CYP4F3: variants seen among roughly 807,000 people sequenced by gnomAD.
The protein encoded by CYP4F3 is cytochrome P450 4F3.
A neutral mutation model predicts 54.8 loss-of-function variants in CYP4F3; 50 were observed. The observed-to-expected ratio is 0.91, with a 90% confidence interval of 0.73 to 1.16. The LOEUF is 1.16. CYP4F3 is among the 50% of genes most tolerant of loss of function. The probability of loss-of-function intolerance (pLI) is 0.00; values close to 1 mark genes in which losing one functional copy is unlikely to be tolerated. For synonymous variants in CYP4F3, 244 were observed against 262.6 expected, an observed-to-expected ratio of 0.93 and a Z score of 0.69; for missense variants, 715 against 676.2, an observed-to-expected ratio of 1.06 and a Z score of -0.64.
chr19:15,649,172 C>T lies in CYP4F3; in HGVS notation c.538C>T (p.Leu180Phe), dbSNP rs751226167. The T allele has an allele frequency of 6.2e-7, 1 of 1,613,180 alleles. No individual in the cohort carries two copies. The highest frequency in any genetic ancestry group is 8.5e-7 in the Non-Finnish European group (1 of 1,179,458). The stretch of plus-strand genomic sequence containing the variant: ...CTTCTCTGGCTAGGCCAAGTGGCAG[C>T]TCCTGGCCTCAGAGGGTAGTGCCCG... ...SVNIMHAKWQ[L>F]LASEGSARLD... Residue 180 changes from leucine (L) to phenylalanine (F), a missense_variant, in exon 6 of 13, where the codon CTC becomes TTC. Transcript: ENST00000221307.
At chr19:15,656,469 T>TTATCTATCTATCTATC (rs71176457) in intron 9 of CYP4F3, among the ~76,000 whole-genome samples, 1 of 70,276 alleles carries the variant, frequency 1.4e-5, no homozygotes. Context: ...ATAGATTTGT[T>TTATCTATCTATCTATC]TATCTATCTA....
rs767289043 is a variant in CYP4F3, at chr19:15,641,398, C to T, written c.-1-17C>T. 4.3e-6 allele frequency: 7 copies of T among 1,613,602 alleles called. No individual in the cohort carries two copies. The South Asian group carries it at 6.6e-5, about 15-fold the overall frequency. ...CTGGGCCTCAGGACCTCACTCACCA[C>T]CCCATCTGCCCTGCAGGATGCCACA... is the stretch of plus-strand genomic sequence containing the variant. On this transcript the variant is annotated splice_polypyrimidine_tract_variant and intron_variant, in intron 1 of 12. Transcript: ENST00000221307.
Position 15,652,639 on chromosome 19 carries a change from A to T in CYP4F3, c.985+4A>T. The T allele has an allele frequency of 6.2e-7, 1 of 1,614,184 alleles. No individual in the cohort carries two copies. The highest frequency in any genetic ancestry group is 8.5e-7 in the Non-Finnish European group (1 of 1,180,020). ...GCTGACACCTTTATGTTTGAGGGTGAGGGCCCCAGTGTGGGGCTAGAGTGG... is the reference window on the plus strand; with the variant it reads ...GCTGACACCTTTATGTTTGAGGGTGTGGGCCCCAGTGTGGGGCTAGAGTGG... On this transcript the variant is annotated splice_donor_region_variant and intron_variant, in intron 8 of 12. Coordinates refer to ENST00000221307, the MANE Select transcript of CYP4F3 (RefSeq NM_000896.3).
At chr19:15,652,697 G>A in intron 8 of CYP4F3, 62 bp downstream of exon 8, 1 of 1,612,748 alleles carries the variant, frequency 6.2e-7, no homozygotes, top group South Asian at 1.1e-5. Flanking sequence ...GGAACAGGGT[G>A]GGTGGACCCC....
chr19:15,653,678 G>A (rs573971640), intron 9 of CYP4F3, among the ~76,000 whole-genome samples: 5 of 151,488 alleles, frequency 3.3e-5, no homozygotes, highest in African/African-American at 1.2e-4. Flanking sequence ...TACAGTTGGG[G>A]AGCAGTGCTG....
chr19:15,643,817 T>C, intron 2 of CYP4F3: 1 of 1,365,756 alleles, frequency 7.3e-7, no homozygotes, highest in South Asian at 1.7e-5. Context: ...CACAGACGGA[T>C]GATCAACTAT....
Position 15,650,788 on chromosome 19 carries a change from T to TTCTTTCTTTCTTTCTTTC in CYP4F3, c.918+606_918+607insCTTTCTTTCTTTCTTTCT, listed in dbSNP as rs1972808370. ...TTCTTTTTCTTTCGTTCTTTCTTTC[T>TTCTTTCTTTCTTTCTTTC]TTCTTTCTTTCTCTCTCTTCTCTTT... On this transcript the variant is annotated intron_variant, in intron 7 of 12. Coordinates refer to ENST00000221307, the MANE Select transcript of CYP4F3 (RefSeq NM_000896.3). 4.0e-5 allele frequency among the ~76,000 whole-genome samples: 4 copies of TTCTTTCTTTCTTTCTTTC among 100,076 alleles called. 1 individual carries two copies. The highest frequency in any genetic ancestry group is 2.9e-4 in the South Asian group (1 of 3,406). The allele number at this position is 100,076 out of a possible 152,430, so 65.7% of individuals were successfully genotyped here. A position where few individuals can be genotyped will look rare whatever the true frequency, so the allele number is the denominator to read the frequency against.
At chr19:15,658,151 T>C in intron 9 of CYP4F3, 113 bp from the exon 10 acceptor site, 1 of 1,555,538 alleles carries the variant, frequency 6.4e-7, no homozygotes, top group East Asian at 2.3e-5. Flanking sequence ...AACAATTCTT[T>C]TAAAAAGTTT....
chr19:15,650,870 T>TTTCTTTCTCTCTC (rs1972832240), intron 7 of CYP4F3, among the ~76,000 whole-genome samples: 1 of 39,478 alleles, frequency 2.5e-5, no homozygotes, highest in African/African-American at 2.0e-4. Flanking sequence ...TTCTTTCTTT[T>TTTCTTTCTCTCTC]TCTCTCTCTC....
At position 15,652,740 on chromosome 19, in the gene CYP4F3, C is replaced by T. The variant is rs185622630; in HGVS notation, c.986-83C>T. On this transcript the variant is annotated intron_variant, in intron 8 of 12. Transcript: ENST00000221307. The stretch of plus-strand genomic sequence containing the variant: ...TCCCATCCCCCTTCCCCCATCCTCC[C>T]TGAGGTCCTCAATGCAAGGTTGCTG... 60 of 1,604,090 alleles carry T rather than the reference C, an allele frequency of 3.7e-5. No individual in the cohort carries two copies. In the African/African-American group the frequency reaches 4.7e-4, roughly 13 times the overall value.
intron 7 of CYP4F3, 99 bp from the exon 8 acceptor site, chr19:15,652,470 T>A: frequency 6.4e-7 from 1 of 1,551,656 alleles, no homozygotes; most frequent in Non-Finnish European, 8.8e-7. Context: ...CGAAAGAGGA[T>A]GAATCTTCAG....
rs923924104 is a variant in CYP4F3 at position 15,661,644 on chromosome 19, T to C, written c.*2259T>C. 7.9e-5 allele frequency: 12 copies of C among 152,238 alleles called. No homozygotes were observed. Among genetic ancestry groups the C allele is most frequent in the Admixed American group, 7.9e-4 (12 of 15,280 alleles). The allele number at this position is 152,238 out of a possible 1,614,324, so 9.4% of individuals were successfully genotyped here. ...ATTGTTGGATTTTGAGAGTTCTATG[T>C]ACAAGTCCTTTGTCAGTCGTGTGAT... On this transcript the variant is annotated 3_prime_UTR_variant, in exon 13 of 13. Transcript: ENST00000221307.
At chr19:15,655,163 T>C (rs1402485445) in intron 9 of CYP4F3, among the ~76,000 whole-genome samples, 1 of 152,222 alleles carries the variant, frequency 6.6e-6, no homozygotes, top group Non-Finnish European at 1.5e-5. Context: ...TGGCCATTTG[T>C]ATGTTTTATT....
At chr19:15,656,352 G>A (rs1973010484) in intron 9 of CYP4F3, among the ~76,000 whole-genome samples, 1 of 152,058 alleles carries the variant, frequency 6.6e-6, no homozygotes, top group Non-Finnish European at 1.5e-5. Context: ...ATAAAAAAGA[G>A]TTCTTCTTGT....
rs370759880 is a variant in CYP4F3, at chr19:15,650,707, TC to T, written c.918+525del. Among the ~76,000 whole-genome samples, 25 of 88,348 alleles carry T rather than the reference TC, an allele frequency of 2.8e-4. 1 individual carries two copies. The highest frequency in any genetic ancestry group is 1.4e-3 in the South Asian group (4 of 2,856). 58.0% of individuals were successfully genotyped at this position (88,348 alleles called of 152,430 possible). ...TTCTTTCTTTCTTTCTTTCTTTCTT[TC>T]TTTCTTTCTTTCTTTCTTTCTTTCT... On this transcript the variant is annotated intron_variant, in intron 7 of 12. Coordinates refer to ENST00000221307, the MANE Select transcript of CYP4F3 (RefSeq NM_000896.3).
chr19:15,652,257 T>G (rs540108387), intron 7 of CYP4F3, among the ~76,000 whole-genome samples: 5 of 142,862 alleles, frequency 3.5e-5, no homozygotes, highest in Non-Finnish European at 7.6e-5. Context: ...TGCCATTTAA[T>G]TATCCTGTAA....
At chr19:15,654,506 T>C (rs1280779141) in intron 9 of CYP4F3, among the ~76,000 whole-genome samples, 1 of 152,220 alleles carries the variant, frequency 6.6e-6, no homozygotes, top group Non-Finnish European at 1.5e-5. Context: ...TTCGTACCCA[T>C]TAATCAACTT....
rs975183204 is a variant in CYP4F3 at position 15,659,698 on chromosome 19, T to C, written c.*313T>C. On this transcript the variant is annotated 3_prime_UTR_variant, in exon 13 of 13. Transcript: ENST00000221307. Reference sequence around the variant, plus strand: ...AAAGGAATGAAGCAGTGATCCCCACTACACTGTGGATGAACCTTGAATGCA... The same window carrying C: ...AAAGGAATGAAGCAGTGATCCCCACCACACTGTGGATGAACCTTGAATGCA... 4.2e-5 allele frequency: 15 copies of C among 358,300 alleles called. No individual in the cohort carries two copies. The highest frequency in any genetic ancestry group is 4.4e-5 in the Admixed American group (1 of 22,666). 22.2% of individuals were successfully genotyped at this position (358,300 alleles called of 1,614,324 possible).
rs1973094535 is a variant in CYP4F3 at position 15,658,533 on chromosome 19, C to T, written c.1292C>T (p.Pro431Leu). 3.7e-6 allele frequency: 6 copies of T among 1,614,194 alleles called. No individual in the cohort carries two copies. The highest frequency in any genetic ancestry group is 4.2e-6 in the Non-Finnish European group (5 of 1,180,026). The change falls in exon 11 of 13, where the codon CCA becomes CTA. Residue 431 changes from proline (P) to leucine (L), a missense_variant. By Grantham distance (98) the Pro-to-Leu change is moderately conservative. Coordinates refer to ENST00000221307, the MANE Select transcript of CYP4F3 (RefSeq NM_000896.3). ...LISVFGTHHN[P>L]AVWPDPEVYD... ...AGTGTTTTTGGAACCCATCACAACC[C>T]AGCCGTGTGGCCGGACCCTGAGGTG...
Sources: gnomAD v4.1 joint callset for allele counts (sites outside exome capture counted in the v4.1 genomes callset) on GRCh38, gnomAD v4.1.1 for gene constraint, MANE v1.5 for transcripts, NCBI Gene and HGNC (gene_info 2026-07-23, HGNC 2026-07-21) for gene names.